Variants in EML6 observed in about 807,000 individuals in gnomAD.
The protein encoded by EML6 is EMAP like 6.
In EML6, 154 loss-of-function variants were observed where a neutral mutation model predicts 240.1. That is an observed-to-expected ratio of 0.64 (90% CI 0.56 to 0.73). The LOEUF (loss-of-function observed/expected upper bound fraction) is 0.73. EML6 is among the 30% of genes least tolerant of loss of function. EML6 has a pLI of 0.00. For missense variants in EML6, 2,964 were observed against 2,474.6 expected, an observed-to-expected ratio of 1.20 and a Z score of -4.20; for synonymous variants, 1,148 against 899.0, an observed-to-expected ratio of 1.28 and a Z score of -4.95.
rs1167777968 is a variant in EML6, at chr2:54,971,377, AGTTGGT to A, written c.*1284_*1289del. The A allele has an allele frequency of 6.6e-6, 1 of 152,172 alleles. No homozygotes were observed. Among genetic ancestry groups the A allele is most frequent in the Non-Finnish European group, 1.5e-5 (1 of 68,044 alleles). 9.4% of individuals were successfully genotyped at this position (152,172 alleles called of 1,614,324 possible). A position where few individuals can be genotyped will look rare whatever the true frequency, so the allele number is the denominator to read the frequency against. On this transcript the variant is annotated 3_prime_UTR_variant, in exon 42 of 42. Coordinates refer to ENST00000356458, the MANE Select transcript of EML6 (RefSeq NM_001039753.4). ...GGCTGACAGTGCTCACTGAAAGGAG[AGTTGGT>A]GCGGGACTGGTGGTTCTGAGCACAT...
chr2:54,784,185 G>A (rs938060447), intron 2 of EML6, among the ~76,000 whole-genome samples: 1 of 151,950 alleles, frequency 6.6e-6, no homozygotes, highest in African/African-American at 2.4e-5. Flanking sequence ...GGCTCAAATG[G>A]TCCTCCTACC....
Position 54,903,195 on chromosome 2 carries a change from A to AG in EML6, c.3277+1dup. 6.4e-7 allele frequency: 1 copy of AG among 1,551,744 alleles called. No homozygotes were observed. ...TGATCTCTGATATTAAGTTTTCAAA[A>AG]GGTGAAGATGACAGCAGATACTTTT... On this transcript the variant is annotated frameshift_variant and splice_region_variant, in exon 23 of 42. Coordinates refer to ENST00000356458, the MANE Select transcript of EML6 (RefSeq NM_001039753.4). LOFTEE classifies it high-confidence loss of function.
intron 8 of EML6, among the ~76,000 whole-genome samples, chr2:54,847,096 C>T (rs1431104759): frequency 6.7e-6 from 1 of 150,302 alleles, no homozygotes; most frequent in Non-Finnish European, 1.5e-5. Flanking sequence ...TTTGTAGAGT[C>T]TGTGTCTCAT....
At chr2:54,942,028 T>A (rs947397619) in intron 28 of EML6, among the ~76,000 whole-genome samples, 1 of 152,254 alleles carries the variant, frequency 6.6e-6, no homozygotes. Context: ...ATTCGTTGAT[T>A]TTTTTCTAAG....
At chr2:54,769,118 C>A (rs746926422) in intron 2 of EML6, among the ~76,000 whole-genome samples, 3 of 152,182 alleles carry the variant, frequency 2.0e-5, no homozygotes, top group Non-Finnish European at 4.4e-5. Flanking sequence ...ATACCCGAAT[C>A]TGACAGGACA....
chr2:54,736,413 G>A (rs1218241176), intron 2 of EML6, among the ~76,000 whole-genome samples: 2 of 152,178 alleles, frequency 1.3e-5, no homozygotes, highest in African/African-American at 4.8e-5. Flanking sequence ...TCTCTAACCA[G>A]ACATGTGACT....
chr2:54,838,124 A>G (rs1282623014), intron 7 of EML6, among the ~76,000 whole-genome samples: 3 of 152,214 alleles, frequency 2.0e-5, no homozygotes, highest in Non-Finnish European at 1.5e-5. Context: ...CTAAGTTGTA[A>G]GATAAGGCAG....
intron 24 of EML6, among the ~76,000 whole-genome samples, chr2:54,905,975 C>T (rs189862380): frequency 6.6e-6 from 1 of 152,314 alleles, no homozygotes; most frequent in East Asian, 1.9e-4. Flanking sequence ...GTGAGTGATG[C>T]TGCTATGAAC....
chr2:54,886,160 C>CTTTTTTTTTTT (rs869107962), intron 17 of EML6, among the ~76,000 whole-genome samples: 6 of 82,214 alleles, frequency 7.3e-5, no homozygotes, highest in Non-Finnish European at 9.5e-5. Flanking sequence ...TTTTAACCTT[C>CTTTTTTTTTTT]TTTTTTTTTT....
intron 2 of EML6, among the ~76,000 whole-genome samples, chr2:54,741,378 G>A (rs1417003530): frequency 6.6e-6 from 1 of 152,106 alleles, no homozygotes; most frequent in Non-Finnish European, 1.5e-5. Context: ...GTAGGTATAG[G>A]TGTGAGGCCC....
chr2:54,958,241 G>T (rs917181918), intron 33 of EML6, among the ~76,000 whole-genome samples: 1 of 152,104 alleles, frequency 6.6e-6, no homozygotes, highest in African/African-American at 2.4e-5. Context: ...ACCTAGGCTG[G>T]AGTGCAGTGG....
intron 11 of EML6, among the ~76,000 whole-genome samples, chr2:54,857,955 A>G (rs1207297745): frequency 6.6e-6 from 1 of 152,218 alleles, no homozygotes; most frequent in African/African-American, 2.4e-5. Flanking sequence ...GGCTATATTA[A>G]TTATCTATTG....
chr2:54,737,600 T>G (rs1275064713), intron 2 of EML6, among the ~76,000 whole-genome samples: 1 of 152,216 alleles, frequency 6.6e-6, no homozygotes, highest in Non-Finnish European at 1.5e-5. Flanking sequence ...CCTTTTCTCT[T>G]CATGCCATGC....
intron 2 of EML6, among the ~76,000 whole-genome samples, chr2:54,792,148 A>G (rs1669487839): frequency 6.6e-6 from 1 of 152,212 alleles, no homozygotes; most frequent in Admixed American, 6.5e-5. Flanking sequence ...GGAAATGGGA[A>G]AACATTCATC....
At chr2:54,779,926 G>A (rs1269195461) in intron 2 of EML6, among the ~76,000 whole-genome samples, 1 of 149,682 alleles carries the variant, frequency 6.7e-6, no homozygotes, top group Non-Finnish European at 1.5e-5. Context: ...AGGGAGAGAG[G>A]GAAAAAATAT....
At chr2:54,848,584 A>G (rs374508468) in intron 9 of EML6, among the ~76,000 whole-genome samples, 1 of 144,354 alleles carries the variant, frequency 6.9e-6, no homozygotes, top group African/African-American at 2.6e-5. Flanking sequence ...ATGACATTCT[A>G]GTACACCATA....
intron 2 of EML6, among the ~76,000 whole-genome samples, chr2:54,812,528 T>C (rs1227882425): frequency 2.0e-4 from 1 of 5,050 alleles, no homozygotes; most frequent in African/African-American, 6.7e-4. Flanking sequence ...TTAGGGTGAT[T>C]TTTTTTTTTT....
intron 2 of EML6, among the ~76,000 whole-genome samples, chr2:54,765,284 A>G (rs1200785720): frequency 1.3e-5 from 2 of 152,180 alleles, no homozygotes; most frequent in African/African-American, 4.8e-5. Context: ...TTATATTTTT[A>G]GTATGGATTG....
rs537057298 is a variant in EML6 at position 54,879,767 on chromosome 2, C to G, written c.2438+127C>G. On this transcript the variant is annotated intron_variant, in intron 17 of 41. Transcript: ENST00000356458. ...GAAATTGACGTAGAAGGCTTAGCAC[C>G]TAAGTGAAAAAATACTGCAGTATTT... 1.3e-4 allele frequency: 87 copies of G among 660,822 alleles called. No homozygotes were observed. In the African/African-American group the frequency reaches 1.5e-3, roughly 11 times the overall value. 40.9% of individuals were successfully genotyped at this position (660,822 alleles called of 1,614,324 possible). A position where few individuals can be genotyped will look rare whatever the true frequency, so the allele number is the denominator to read the frequency against.
Sources: gnomAD v4.1 joint callset for allele counts (sites outside exome capture counted in the v4.1 genomes callset) on GRCh38, gnomAD v4.1.1 for gene constraint, MANE v1.5 for transcripts, NCBI Gene and HGNC (gene_info 2026-07-23, HGNC 2026-07-21) for gene names.